PCDH15: variants seen among roughly 807,000 people sequenced by gnomAD.
PCDH15 encodes protocadherin related 15.
In PCDH15, 129 loss-of-function variants were observed where a neutral mutation model predicts 178.5. That is an observed-to-expected ratio of 0.72 (90% CI 0.63 to 0.84). The LOEUF is 0.84. Ranked by LOEUF, PCDH15 falls within the 40% of genes least tolerant of loss-of-function variation. PCDH15 has a pLI of 0.00. For missense variants in PCDH15, 2,230 were observed against 2,099.9 expected (o/e 1.06, Z -1.21); for synonymous variants, 800 against 732.0 (o/e 1.09, Z -1.50).
At chr10:54,078,819 A>G (rs557447163) in intron 17 of PCDH15, among the ~76,000 whole-genome samples, 1 of 152,232 alleles carries the variant, frequency 6.6e-6, no homozygotes, top group South Asian at 2.1e-4. Flanking sequence ...TGGAATTATA[A>G]GCCCATTTAA....
At chr10:55,258,022 C>G (rs1001133179) in intron 1 of PCDH15, among the ~76,000 whole-genome samples, 3 of 152,198 alleles carry the variant, frequency 2.0e-5, no homozygotes, top group African/African-American at 4.8e-5. Context: ...AACAGCTGAT[C>G]TCTTGGCAGA....
chr10:55,126,305 C>G (rs930207593), intron 2 of PCDH15, among the ~76,000 whole-genome samples: 1 of 152,062 alleles, frequency 6.6e-6, no homozygotes, highest in African/African-American at 2.4e-5. Context: ...GATGAATAAC[C>G]CATAGTCGGA....
At chr10:53,938,991 T>G in intron 24 of PCDH15, 36 bp from the exon 25 acceptor site, 1 of 1,600,680 alleles carries the variant, frequency 6.2e-7, no homozygotes, top group Non-Finnish European at 8.5e-7. Context: ...GTCATTGTCT[T>G]TACGCTATAA....
chr10:55,378,887 C>G (rs932399453), intron 2 of PCDH15, among the ~76,000 whole-genome samples: 5 of 151,274 alleles, frequency 3.3e-5, no homozygotes, highest in African/African-American at 1.2e-4. Context: ...ATCTCTCTCT[C>G]TCTCTCTCTC....
intron 1 of PCDH15, among the ~76,000 whole-genome samples, chr10:55,293,935 C>G (rs927477194): frequency 2.0e-5 from 3 of 152,162 alleles, no homozygotes; most frequent in Admixed American, 6.5e-5. Flanking sequence ...TTTTCAGCAG[C>G]ACCCACTTTT....
In PCDH15 at chr10:54,651,942, G is replaced by A. The variant is rs540824169; in HGVS notation, c.91+12230C>T. On this transcript the variant is annotated intron_variant, in intron 2 of 37. Coordinates refer to ENST00000644397, the MANE Select transcript of PCDH15 (RefSeq NM_001384140.1). Reference sequence around the variant, plus strand: ...ATTTATTTATTTCACAAATGCACATGGAACACCAAATGTGAACTAAGATTT... The same window carrying A: ...ATTTATTTATTTCACAAATGCACATAGAACACCAAATGTGAACTAAGATTT... 6.6e-5 allele frequency among the ~76,000 whole-genome samples: 10 copies of A among 151,582 alleles called. No homozygotes were observed. The South Asian group carries it at 2.1e-3, about 32-fold the overall frequency.
chr10:54,272,772 G>A (rs1262955160), intron 8 of PCDH15, among the ~76,000 whole-genome samples: 1 of 151,976 alleles, frequency 6.6e-6, no homozygotes, highest in Non-Finnish European at 1.5e-5. Context: ...TCTAGGAAAG[G>A]AATTATCTGT....
chr10:53,815,790 G>T, intron 35 of PCDH15, among the ~76,000 whole-genome samples: 1 of 151,826 alleles, frequency 6.6e-6, no homozygotes, highest in East Asian at 1.9e-4. Flanking sequence ...AATGCCATAG[G>T]CAATTGGTAA....
At chr10:54,787,357 T>C (rs1474920941) in intron 1 of PCDH15, among the ~76,000 whole-genome samples, 1 of 151,992 alleles carries the variant, frequency 6.6e-6, no homozygotes, top group Non-Finnish European at 1.5e-5. Flanking sequence ...TACAATCCTT[T>C]ATCTAAAAGC....
intron 26 of PCDH15, among the ~76,000 whole-genome samples, chr10:53,895,222 C>A (rs1230369953): frequency 6.6e-6 from 1 of 152,122 alleles, no homozygotes; most frequent in Non-Finnish European, 1.5e-5. Context: ...TAACCTTGTA[C>A]ATTTCTATAC....
In PCDH15 at chr10:54,381,868, G is replaced by A. The variant is rs191340412; in HGVS notation, c.158-2926C>T. On this transcript the variant is annotated intron_variant, in intron 3 of 37. Coordinates refer to ENST00000644397, the MANE Select transcript of PCDH15 (RefSeq NM_001384140.1). ...AAGAGAGCTGGCCCTGGAATGGATA[G>A]GCTTAGAATCCAATCCATAATCCAC... Among the ~76,000 whole-genome samples, 809 of 152,146 alleles carry A rather than the reference G, an allele frequency of 5.3e-3. 3 individuals carry two copies. The highest frequency in any genetic ancestry group is 0.017 in the African/African-American group (720 of 41,514).
rs1171488871 is a variant in PCDH15, at chr10:55,547,926, A to T, written c.-156+79699T>A. ...GTGTGTGTGTGAGAGAGAGAGAGAG[A>T]GAGAGAGAGAGAGAGAGAGAGAGAG... On this transcript the variant is annotated intron_variant, in intron 2 of 5. Transcript: ENST00000613346. Among the ~76,000 whole-genome samples the T allele has an allele frequency of 4.5e-4, 67 of 147,566 alleles. 1 individual carries two copies. Among genetic ancestry groups the T allele is most frequent in the East Asian group, 4.5e-3 (22 of 4,850 alleles).
rs139823516 is a variant in PCDH15, at chr10:54,688,967, ATAACT to A, written c.-28-24682_-28-24678del. 2.0e-3 allele frequency among the ~76,000 whole-genome samples: 300 copies of A among 152,260 alleles called. 5 individuals carry two copies. In the East Asian group the frequency reaches 0.046, roughly 23 times the overall value. On this transcript the variant is annotated intron_variant, in intron 1 of 37. Coordinates refer to ENST00000644397, the MANE Select transcript of PCDH15 (RefSeq NM_001384140.1). Reference sequence around the variant, plus strand: ...TAAGGTTAATAATCCTAAAAATTAGATAACTTAATAAAGCAACATTAGACTACCTA... The same window carrying A: ...TAAGGTTAATAATCCTAAAAATTAGATAATAAAGCAACATTAGACTACCTA...
rs2081612305 is a variant in PCDH15, at chr10:53,892,142, A to G, written c.3501+11101T>C. On this transcript the variant is annotated intron_variant, in intron 26 of 37. Transcript: ENST00000644397. ...TGGATTCAAGCAATTCTCCTGCCTC[A>G]GCCTCTTGAGTAGCTGGGATTACAG... Among the ~76,000 whole-genome samples, 5 of 147,750 alleles carry G rather than the reference A, an allele frequency of 3.4e-5. No homozygotes were observed. The Admixed American group carries it at 3.5e-4, about 10-fold the overall frequency.
chr10:55,613,011 A>C (rs1589186302), intron 2 of PCDH15, among the ~76,000 whole-genome samples: 1 of 145,178 alleles, frequency 6.9e-6, no homozygotes, highest in African/African-American at 2.5e-5. Flanking sequence ...CATATTTACT[A>C]GCCAGATTTT....
chr10:54,781,462 A>G (rs1950353548), intron 1 of PCDH15, among the ~76,000 whole-genome samples: 1 of 152,126 alleles, frequency 6.6e-6, no homozygotes, highest in South Asian at 2.1e-4. Context: ...CTTTTTATAT[A>G]TTAATGCCTG....
chr10:54,953,002 A>G (rs1006498217), intron 2 of PCDH15, among the ~76,000 whole-genome samples: 1 of 151,494 alleles, frequency 6.6e-6, no homozygotes, highest in African/African-American at 2.4e-5. Flanking sequence ...TTCTTATTTC[A>G]TTAGTTAAGT....
At position 55,405,301 on chromosome 10, in the gene PCDH15, TATAC is replaced by T. The variant is rs1328719948; in HGVS notation, c.-156+222320_-156+222323del. On this transcript the variant is annotated intron_variant, in intron 2 of 5. Transcript: ENST00000613346. ...GGTAACAGATATATATATATATATA[TATAC>T]AATTTAATGTCATGTAATTAAAGAT... 3.0e-3 allele frequency among the ~76,000 whole-genome samples: 430 copies of T among 144,474 alleles called. 16 individuals carry two copies. Among genetic ancestry groups the T allele is most frequent in the Non-Finnish European group, 5.0e-3 (325 of 65,122 alleles). 94.8% of individuals were successfully genotyped at this position (144,474 alleles called of 152,430 possible). A position where few individuals can be genotyped will look rare whatever the true frequency, so the allele number is the denominator to read the frequency against.
intron 2 of PCDH15, among the ~76,000 whole-genome samples, chr10:55,469,390 A>G (rs931457084): frequency 6.6e-6 from 1 of 152,144 alleles, no homozygotes; most frequent in Non-Finnish European, 1.5e-5. Flanking sequence ...ATGTATGTAT[A>G]TATGTATGCA....
Sources: gnomAD v4.1 joint callset for allele counts (sites outside exome capture counted in the v4.1 genomes callset) on GRCh38, gnomAD v4.1.1 for gene constraint, MANE v1.5 for transcripts, NCBI Gene and HGNC (gene_info 2026-07-23, HGNC 2026-07-21) for gene names.